The following ANXA4 variants were observed in gnomAD, a reference collection of about 807,000 sequenced individuals.
ANXA4 encodes the protein annexin A4, also known as 35-beta calcimedin.
In ANXA4, 39 loss-of-function variants were observed where a neutral mutation model predicts 49.8. The ratio of observed to expected loss-of-function variants is 0.78; its 90% CI spans 0.61 to 1.02. ANXA4 has a LOEUF of 1.02. Ranked by LOEUF, ANXA4 falls within the 50% of genes least tolerant of loss-of-function variation. The pLI, the probability that ANXA4 is intolerant of heterozygous loss-of-function variation, is 0.00. For missense variants in ANXA4, 360 were observed against 410.1 expected (o/e 0.88, Z 1.05); for synonymous variants, 134 against 152.5 (o/e 0.88, Z 0.89).
intron 2 of ANXA4, among the ~76,000 whole-genome samples, chr2:69,683,216 T>C (rs561359963): frequency 1.3e-5 from 2 of 152,318 alleles, no homozygotes; most frequent in South Asian, 2.1e-4. Context: ...TAAATGCGGC[T>C]AAAAGTTCCC....
intron 2 of ANXA4, among the ~76,000 whole-genome samples, chr2:69,658,164 G>A (rs1196126827): frequency 6.6e-6 from 1 of 152,108 alleles, no homozygotes; most frequent in Non-Finnish European, 1.5e-5. Context: ...TTGAAAGGCT[G>A]AGGCAGGAGG....
Position 69,656,196 on chromosome 2 carries a change from T to C in ANXA4, n.766+2914T>C, listed in dbSNP as rs545349144. On this transcript the variant is annotated intron_variant and non_coding_transcript_variant, in intron 2 of 3. Transcript: ENST00000418066. Reference sequence around the variant, plus strand: ...TAATTAAAATATATATACGTATATATATATATATACACACACATATATATG... The same window carrying C: ...TAATTAAAATATATATACGTATATACATATATATACACACACATATATATG... 1.9e-4 allele frequency among the ~76,000 whole-genome samples: 27 copies of C among 139,398 alleles called. 1 individual carries two copies. The highest frequency in any genetic ancestry group is 4.6e-4 in the South Asian group (2 of 4,360). 91.5% of individuals were successfully genotyped at this position (139,398 alleles called of 152,430 possible).
rs191228009 is a variant in ANXA4, at chr2:69,781,926, C to A, written c.9+352C>A. ...AGGTTCTACCACCTGAAGAGGACTG[C>A]TATCGATACTCTGAGGTAGCCACAT... On this transcript the variant is annotated intron_variant, in intron 2 of 12. Transcript: ENST00000394295. Among the ~76,000 whole-genome samples, 625 of 152,242 alleles carry A rather than the reference C, an allele frequency of 4.1e-3. 3 individuals carry two copies. Among genetic ancestry groups the A allele is most frequent in the African/African-American group, 0.014 (589 of 41,536 alleles).
intron 12 of ANXA4, 150 bp from the exon 13 acceptor site, chr2:69,825,306 A>T: frequency 1.5e-6 from 1 of 651,086 alleles, no homozygotes; most frequent in Non-Finnish European, 2.7e-6. Context: ...TTCTACACTG[A>T]ATAAGTATTA....
chr2:69,658,976 G>A (rs142087642), intron 2 of ANXA4, among the ~76,000 whole-genome samples: 28 of 152,318 alleles, frequency 1.8e-4, no homozygotes, highest in African/African-American at 6.5e-4. Flanking sequence ...GATTACAGGC[G>A]TGAGCCACTA....
intron 3 of ANXA4, among the ~76,000 whole-genome samples, chr2:69,802,841 C>G (rs187991054): frequency 6.6e-6 from 1 of 152,234 alleles, no homozygotes; most frequent in South Asian, 2.1e-4. Flanking sequence ...TCCACACCCC[C>G]TCCTAGCTGA....
At chr2:69,776,069 G>T (rs1459838744) in intron 1 of ANXA4, among the ~76,000 whole-genome samples, 2 of 152,020 alleles carry the variant, frequency 1.3e-5, no homozygotes, top group East Asian at 3.9e-4. Flanking sequence ...CACTTCTGGG[G>T]GTTCACATGA....
At chr2:69,810,001 G>A (rs1673629399) in intron 6 of ANXA4, 1 of 153,300 alleles carries the variant, frequency 6.5e-6, no homozygotes, top group Non-Finnish European at 1.5e-5. Context: ...TCGGACCCCT[G>A]GGTGGCAGGA....
intron 2 of ANXA4, among the ~76,000 whole-genome samples, chr2:69,660,193 C>A (rs1676660448): frequency 6.6e-6 from 1 of 152,152 alleles, no homozygotes; most frequent in East Asian, 1.9e-4. Flanking sequence ...ATTAAAAACC[C>A]AGACCTGCTT....
rs188935676 is a variant in ANXA4 at position 69,783,279 on chromosome 2, G to A, written c.9+1705G>A. 2.3e-3 allele frequency among the ~76,000 whole-genome samples: 356 copies of A among 151,990 alleles called. 1 individual carries two copies. Among genetic ancestry groups the A allele is most frequent in the African/African-American group, 8.0e-3 (330 of 41,422 alleles). On this transcript the variant is annotated intron_variant, in intron 2 of 12. Transcript: ENST00000394295. ...GTTGCCCAGGCTGGAGAGCAGTGGC[G>A]CGATCTTGGCTCACTACCACCTCCG...
At chr2:69,651,725 A>C (rs1314890488) in intron 1 of ANXA4, among the ~76,000 whole-genome samples, 1 of 148,970 alleles carries the variant, frequency 6.7e-6, no homozygotes, top group Non-Finnish European at 1.5e-5. Context: ...GATGGTCTCA[A>C]TCTCCTGACG....
chr2:69,680,418 T>C (rs572932138), intron 2 of ANXA4, among the ~76,000 whole-genome samples: 39 of 152,334 alleles, frequency 2.6e-4, no homozygotes, highest in Middle Eastern at 3.4e-3. Context: ...CCTTTAGGTT[T>C]TTCTAGATAT....
chr2:69,748,557 TATTA>T (rs1012492680), intron 1 of ANXA4, among the ~76,000 whole-genome samples: 41 of 151,230 alleles, frequency 2.7e-4, no homozygotes, highest in African/African-American at 7.2e-4. Context: ...TAACTTGCAT[TATTA>T]ATTTTACATA....
rs60172949 is a variant in ANXA4 at position 69,805,046 on chromosome 2, C to CAAAAAAA, written c.192+439_192+445dup. On this transcript the variant is annotated intron_variant, in intron 4 of 12. Transcript: ENST00000394295. ...TGGGCAACAGAGACAGACTCCATCT[C>CAAAAAAA]AAAAAAAAAAAAAAAAAAAAAAAAA... 1.1e-3 allele frequency among the ~76,000 whole-genome samples: 40 copies of CAAAAAAA among 35,878 alleles called. 4 individuals carry two copies. Among genetic ancestry groups the CAAAAAAA allele is most frequent in the African/African-American group, 2.6e-3 (33 of 12,928 alleles). 23.5% of individuals were successfully genotyped at this position (35,878 alleles called of 152,430 possible).
At chr2:69,741,221 T>TA (rs1037271067), upstream of ANXA4, among the ~76,000 whole-genome samples, 14 of 152,306 alleles carry the variant, frequency 9.2e-5, no homozygotes, top group East Asian at 7.7e-4. Flanking sequence ...CTCTGTTTTT[T>TA]AAAAAAACTG....
At chr2:69,674,635 C>G (rs1243274745) in intron 2 of ANXA4, among the ~76,000 whole-genome samples, 3 of 152,160 alleles carry the variant, frequency 2.0e-5, no homozygotes, top group African/African-American at 7.2e-5. Context: ...TTTACAGAAG[C>G]ACTCAGCAAT....
intron 2 of ANXA4, among the ~76,000 whole-genome samples, chr2:69,657,038 A>T (rs1488421671): frequency 3.3e-5 from 5 of 150,916 alleles, no homozygotes; most frequent in Non-Finnish European, 7.4e-5. Context: ...TCTGTCACCA[A>T]GGCTGGAGTA....
At chr2:69,756,918 T>G (rs1671057650) in intron 1 of ANXA4, among the ~76,000 whole-genome samples, 1 of 139,194 alleles carries the variant, frequency 7.2e-6, no homozygotes, top group South Asian at 2.2e-4. Flanking sequence ...CTTATTAAAT[T>G]AATTAATTAA....
Position 69,718,742 on chromosome 2 carries a change from CACAT to C in ANXA4, n.767-2027_767-2024del, listed in dbSNP as rs531170077. ...ACACACATGCATACACAAATGCACA[CACAT>C]ACATGCATACACACACATACACACA... On this transcript the variant is annotated intron_variant and non_coding_transcript_variant, in intron 2 of 3. Coordinates refer to the ANXA4 transcript ENST00000418066. Among the ~76,000 whole-genome samples, 23 of 150,088 alleles carry C rather than the reference CACAT, an allele frequency of 1.5e-4. No homozygotes were observed. The South Asian group carries it at 1.7e-3, about 11-fold the overall frequency.
Sources: gnomAD v4.1 joint callset for allele counts (sites outside exome capture counted in the v4.1 genomes callset) on GRCh38, gnomAD v4.1.1 for gene constraint, MANE v1.5 for transcripts, NCBI Gene and HGNC (gene_info 2026-07-23, HGNC 2026-07-21) for gene names.